SRGAP3: variants seen among roughly 807,000 people sequenced by gnomAD.
The protein encoded by SRGAP3 is SLIT-ROBO Rho GTPase activating protein 3.
In SRGAP3, 39 loss-of-function variants were observed where a neutral mutation model predicts 121.1. That is an observed-to-expected ratio of 0.32 (90% CI 0.25 to 0.42). The LOEUF (loss-of-function observed/expected upper bound fraction) is 0.42, where lower values mean the gene tolerates loss of function less well. Ranked by LOEUF, SRGAP3 falls within the 10% of genes least tolerant of loss-of-function variation. The pLI is 1.00. For synonymous variants in SRGAP3, 601 were observed against 570.0 expected, an observed-to-expected ratio of 1.05 and a Z score of -0.77; for missense variants, 1,213 against 1,470.6, an observed-to-expected ratio of 0.82 and a Z score of 2.86.
At chr3:9,189,974 G>C (rs1951703916) in intron 1 of SRGAP3, among the ~76,000 whole-genome samples, 1 of 152,180 alleles carries the variant, frequency 6.6e-6, no homozygotes, top group Admixed American at 6.6e-5. Context: ...TATCCTAAGT[G>C]CTTTTCATGT....
chr3:9,074,122 G>A (rs917162691), intron 4 of SRGAP3, among the ~76,000 whole-genome samples: 2 of 152,182 alleles, frequency 1.3e-5, no homozygotes, highest in African/African-American at 4.8e-5. Flanking sequence ...GAGCAGGCCC[G>A]GAGAATGGGA....
At chr3:9,355,918 G>A (rs1203606352) in intron 1 of SRGAP3, 2 of 152,052 alleles carry the variant, frequency 1.3e-5, no homozygotes, top group African/African-American at 4.8e-5. Context: ...GAGGGAGAAG[G>A]GAGCAAAACT....
chr3:9,104,413 T>G (rs1281616067), intron 3 of SRGAP3, among the ~76,000 whole-genome samples: 1 of 152,232 alleles, frequency 6.6e-6, no homozygotes, highest in African/African-American at 2.4e-5. Context: ...ACAATGAATA[T>G]GTACTACTTA....
At chr3:8,987,441 T>C (rs1306008839) in intron 21 of SRGAP3, among the ~76,000 whole-genome samples, 2 of 152,058 alleles carry the variant, frequency 1.3e-5, no homozygotes, top group African/African-American at 4.8e-5. Context: ...ATAAAAAGTA[T>C]GAGTCTGGTG....
At chr3:9,316,198 A>C (rs1955343479) in intron 3 of SRGAP3, among the ~76,000 whole-genome samples, 1 of 151,904 alleles carries the variant, frequency 6.6e-6, no homozygotes, top group Admixed American at 6.6e-5. Context: ...ACAGGCACAC[A>C]CCACCACACC....
intron 3 of SRGAP3, among the ~76,000 whole-genome samples, chr3:9,080,777 C>T (rs935427748): frequency 8.6e-5 from 13 of 152,042 alleles, no homozygotes; most frequent in East Asian, 3.9e-4. Context: ...CTAGGTTGCA[C>T]GCTCCTTATG....
At chr3:9,117,257 T>C (rs938982168) in intron 2 of SRGAP3, among the ~76,000 whole-genome samples, 2 of 152,232 alleles carry the variant, frequency 1.3e-5, no homozygotes, top group Non-Finnish European at 2.9e-5. Flanking sequence ...ACAAAAGTGA[T>C]TCTCTGTTTA....
At chr3:9,334,610 A>T (rs1414575897) in intron 1 of SRGAP3, among the ~76,000 whole-genome samples, 1 of 152,190 alleles carries the variant, frequency 6.6e-6, no homozygotes, top group African/African-American at 2.4e-5. Flanking sequence ...TGCAGATAAT[A>T]TTCTCATAAA....
chr3:8,990,519 A>G lies in SRGAP3; in HGVS notation c.2879T>C (p.Leu960Pro). The change falls in exon 21 of 22, where the codon CTG (leucine) becomes CCG (proline). Residue 960 changes from leucine to proline, a missense_variant. Coordinates refer to ENST00000383836, the MANE Select transcript of SRGAP3 (RefSeq NM_014850.4). ...GDHKSLEAEALAEDIEKTMST... is the reference protein window; with the variant it reads ...GDHKSLEAEAPAEDIEKTMST... ...CTTCCCGCTGGCCCTTACTTCTGCC[A>G]GGGCCTCGGCCTCCAGGGACTTGTG... The G allele has an allele frequency of 6.4e-7, 1 of 1,555,810 alleles. No homozygotes were observed. The highest frequency in any genetic ancestry group is 8.7e-7 in the Non-Finnish European group (1 of 1,149,824).
chr3:9,062,755 T>C (rs1364570018), intron 5 of SRGAP3, among the ~76,000 whole-genome samples: 2 of 152,250 alleles, frequency 1.3e-5, no homozygotes, highest in African/African-American at 2.4e-5. Context: ...TATACCACAT[T>C]TTATTCAACC....
At chr3:9,346,758 T>C (rs901827945) in intron 1 of SRGAP3, among the ~76,000 whole-genome samples, 82 of 149,946 alleles carry the variant, frequency 5.5e-4, no homozygotes, top group Non-Finnish European at 9.1e-4. Context: ...TTTTTCTTTT[T>C]TTTTTTTTTT....
At chr3:9,078,728 C>G (rs1055611992) in intron 4 of SRGAP3, among the ~76,000 whole-genome samples, 2 of 152,182 alleles carry the variant, frequency 1.3e-5, no homozygotes, top group South Asian at 2.1e-4. Flanking sequence ...GTTCTGCCCC[C>G]CAGTGACCAG....
At chr3:9,359,147 T>C (rs2030667786) in intron 1 of SRGAP3, among the ~76,000 whole-genome samples, 1 of 152,150 alleles carries the variant, frequency 6.6e-6, no homozygotes, top group South Asian at 2.1e-4. Context: ...GGAACAGAAA[T>C]TAATTCATTA....
At chr3:9,102,729 A>G (rs1256334665) in intron 3 of SRGAP3, among the ~76,000 whole-genome samples, 1 of 152,214 alleles carries the variant, frequency 6.6e-6, no homozygotes, top group East Asian at 1.9e-4. Flanking sequence ...GCTCAGCTGT[A>G]GACATTTTTT....
intron 1 of SRGAP3, among the ~76,000 whole-genome samples, chr3:9,167,303 A>T (rs970721555): frequency 6.6e-6 from 1 of 151,926 alleles, no homozygotes; most frequent in African/African-American, 2.4e-5. Flanking sequence ...AGAGGCCCTG[A>T]CTCATCCTGC....
intron 3 of SRGAP3, among the ~76,000 whole-genome samples, chr3:9,091,541 G>A (rs529786490): frequency 3.3e-5 from 5 of 151,976 alleles, no homozygotes; most frequent in Non-Finnish European, 5.9e-5. Context: ...ATGTAAGCAC[G>A]GGCCATCTCC....
At position 9,305,393 on chromosome 3, in the gene SRGAP3, T is replaced by G. The variant is rs1445148629; in HGVS notation, n.442+20617A>C. On this transcript the variant is annotated intron_variant and non_coding_transcript_variant, in intron 3 of 3. Transcript: ENST00000490889. The stretch of plus-strand genomic sequence containing the variant: ...TTTTTTTTTTTTTTTTTAGATTTTT[T>G]TTGTTGCTGTTTTTTATTTTTATTT... Among the ~76,000 whole-genome samples, 3 of 151,452 alleles carry G rather than the reference T, an allele frequency of 2.0e-5. No homozygotes were observed. In the East Asian group the frequency reaches 5.8e-4, roughly 29 times the overall value.
intron 3 of SRGAP3, among the ~76,000 whole-genome samples, chr3:9,325,338 T>G (rs1559277977): frequency 6.6e-6 from 1 of 151,568 alleles, no homozygotes; most frequent in Non-Finnish European, 1.5e-5. Context: ...AGATAAAGAG[T>G]CTATTCACTT....
intron 3 of SRGAP3, among the ~76,000 whole-genome samples, chr3:9,323,798 A>AACAC (rs139013302): frequency 0.04 from 5,897 of 148,844 alleles, 255 homozygotes; most frequent in African/African-American, 0.1. Context: ...CTGTGTATCT[A>AACAC]ACACACACAC....
Sources: gnomAD v4.1 joint callset for allele counts (sites outside exome capture counted in the v4.1 genomes callset) on GRCh38, gnomAD v4.1.1 for gene constraint, MANE v1.5 for transcripts, NCBI Gene and HGNC (gene_info 2026-07-23, HGNC 2026-07-21) for gene names.